Variants in POLE2 observed in about 807,000 individuals in gnomAD.
POLE2 encodes the protein DNA polymerase epsilon 2, accessory subunit.
Under a neutral mutation model 79.4 loss-of-function variants are expected in POLE2, and 56 were observed. That is an observed-to-expected ratio of 0.71 (90% CI 0.57 to 0.88). The LOEUF (loss-of-function observed/expected upper bound fraction) is 0.88, where lower values mean the gene tolerates loss of function less well. Among genes scored for constraint, POLE2 ranks in the 40% least tolerant of loss-of-function variants. The pLI, the probability that POLE2 is intolerant of heterozygous loss-of-function variation, is 0.00. For missense variants in POLE2, 598 were observed against 638.9 expected (o/e 0.94, Z 0.69); for synonymous variants, 212 against 214.0 (o/e 0.99, Z 0.08).
At chr14:49,668,042 C>G (rs1024519420) in intron 6 of POLE2, among the ~76,000 whole-genome samples, 1 of 152,090 alleles carries the variant, frequency 6.6e-6, no homozygotes, top group African/African-American at 2.4e-5. Context: ...GAGGCTGAGG[C>G]GGGCGGATCA....
chr14:49,644,912 T>G (rs1259370067), intron 18 of POLE2, among the ~76,000 whole-genome samples: 4 of 151,696 alleles, frequency 2.6e-5, no homozygotes, highest in Non-Finnish European at 5.9e-5. Context: ...CGTGGTGGCA[T>G]GTGCCTGTGA....
Position 49,646,302 on chromosome 14 carries a change from GTTTTTTTTTTTT to G in POLE2, c.1565+979_1565+990del, listed in dbSNP as rs1162033821. On this transcript the variant is annotated intron_variant, in intron 18 of 18. Coordinates refer to ENST00000216367, the MANE Select transcript of POLE2 (RefSeq NM_002692.4). The stretch of plus-strand genomic sequence containing the variant: ...GATTTGGTCAGTTGTTTTTTTGTTG[GTTTTTTTTTTTT>G]TTTTTTTTTTTTTTTTTTTTTGAGA... Among the ~76,000 whole-genome samples the G allele has an allele frequency of 3.9e-4, 33 of 84,570 alleles. No individual in the cohort carries two copies. The East Asian group carries it at 0.014, about 36-fold the overall frequency. 55.5% of individuals were successfully genotyped at this position (84,570 alleles called of 152,430 possible).
At position 49,682,640 on chromosome 14, in the gene POLE2, GAAAAAAAAAAAAAA is replaced by G. The variant is rs35984833; in HGVS notation, c.169+939_169+952del. On this transcript the variant is annotated intron_variant, in intron 2 of 18. Transcript: ENST00000216367. Reference sequence around the variant, plus strand: ...CGACAGTGCAAGACTCCTTCTCAGGGAAAAAAAAAAAAAAAAAAAAAAAAAAGTCTATTTTCTAC... The same window carrying G: ...CGACAGTGCAAGACTCCTTCTCAGGGAAAAAAAAAAAAGTCTATTTTCTAC... Among the ~76,000 whole-genome samples the G allele has an allele frequency of 2.6e-4, 16 of 60,980 alleles. No individual in the cohort carries two copies. The South Asian group carries it at 3.0e-3, about 11-fold the overall frequency. 40.0% of individuals were successfully genotyped at this position (60,980 alleles called of 152,430 possible). A position where few individuals can be genotyped will look rare whatever the true frequency, so the allele number is the denominator to read the frequency against.
intron 6 of POLE2, among the ~76,000 whole-genome samples, chr14:49,668,227 A>G (rs545258468): frequency 6.8e-4 from 103 of 152,244 alleles, no homozygotes; most frequent in South Asian, 5.2e-3. Context: ...CCAAGATCGC[A>G]CTACTGAACT....
intron 6 of POLE2, among the ~76,000 whole-genome samples, chr14:49,666,773 G>T (rs1434573010): frequency 6.6e-6 from 1 of 151,960 alleles, no homozygotes; most frequent in Non-Finnish European, 1.5e-5. Flanking sequence ...TTGAAAACTA[G>T]CAAGCTATTT....
At chr14:49,646,295 T>C (rs1475907613) in intron 18 of POLE2, among the ~76,000 whole-genome samples, 2 of 147,016 alleles carry the variant, frequency 1.4e-5, no homozygotes, top group African/African-American at 5.0e-5. Flanking sequence ...CAGTTGTTTT[T>C]TTGTTGGTTT....
chr14:49,653,334 T>G (rs1381574020), intron 15 of POLE2, among the ~76,000 whole-genome samples: 2 of 152,224 alleles, frequency 1.3e-5, no homozygotes, highest in African/African-American at 4.8e-5. Flanking sequence ...TCTGATGGTA[T>G]TCCCACAGGA....
intron 15 of POLE2, 26 bp downstream of exon 15, chr14:49,653,964 G>C: frequency 7.5e-7 from 1 of 1,340,432 alleles, no homozygotes; most frequent in Non-Finnish European, 1.1e-6. Context: ...AAGGAAAAAT[G>C]TATAACACAA....
chr14:49,685,769 T>C (rs988521542), intron 1 of POLE2, among the ~76,000 whole-genome samples: 1 of 151,052 alleles, frequency 6.6e-6, no homozygotes, highest in African/African-American at 2.4e-5. Context: ...CAGGTGCACA[T>C]CACCACGTCT....
intron 1 of POLE2, among the ~76,000 whole-genome samples, chr14:49,687,342 A>G (rs988299225): frequency 2.0e-5 from 3 of 151,544 alleles, no homozygotes; most frequent in African/African-American, 7.3e-5. Context: ...ACACACGTAC[A>G]TATAGAACTC....
intron 1 of POLE2, 43 bp downstream of exon 1, chr14:49,688,093 C>T (rs1887294107): frequency 1.4e-6 from 2 of 1,470,240 alleles, no homozygotes; most frequent in Admixed American, 3.9e-5. Flanking sequence ...AGACGGGCCC[C>T]AGCTCTTCCC....
At chr14:49,656,970 G>A (rs1284876974) in intron 10 of POLE2, among the ~76,000 whole-genome samples, 6 of 151,926 alleles carry the variant, frequency 3.9e-5, no homozygotes, top group Non-Finnish European at 7.4e-5. Flanking sequence ...AAAATTAGCC[G>A]GGCATGGCAG....
chr14:49,683,557 T>C, intron 2 of POLE2, 36 bp downstream of exon 2: 1 of 930,414 alleles, frequency 1.1e-6, no homozygotes, highest in Non-Finnish European at 1.7e-6. Flanking sequence ...CAGAACTATA[T>C]TAACAATTTA....
At chr14:49,669,730 C>T in intron 5 of POLE2, 132 bp from the exon 6 acceptor site, 1 of 587,692 alleles carries the variant, frequency 1.7e-6, no homozygotes, top group Non-Finnish European at 3.0e-6. Context: ...AATTTGAAAA[C>T]CCACATAATT....
intron 6 of POLE2, among the ~76,000 whole-genome samples, chr14:49,668,974 T>C (rs932985345): frequency 7.2e-5 from 11 of 152,108 alleles, no homozygotes; most frequent in African/African-American, 7.2e-5. Context: ...CTAATGTTTT[T>C]TATTGTTTAT....
intron 5 of POLE2, among the ~76,000 whole-genome samples, chr14:49,671,093 T>G (rs1436820299): frequency 6.6e-6 from 1 of 152,204 alleles, no homozygotes; most frequent in Non-Finnish European, 1.5e-5. Context: ...AACCTGTTTA[T>G]TTCACAGATG....
Position 49,674,443 on chromosome 14 carries a change from C to T in POLE2, c.246-16G>A. 3.3e-6 allele frequency: 5 copies of T among 1,520,194 alleles called. No individual in the cohort carries two copies. The highest frequency in any genetic ancestry group is 4.6e-6 in the Non-Finnish European group (5 of 1,097,272). The allele number at this position is 1,520,194 out of a possible 1,614,324, so 94.2% of individuals were successfully genotyped here. ...AACGTGCTCTCTGAAAAACATCCCA[C>T]AAAATACAGACCTGATTTACTAAAA... On this transcript the variant is annotated splice_polypyrimidine_tract_variant and intron_variant, in intron 3 of 18. Transcript: ENST00000216367.
intron 17 of POLE2, 146 bp downstream of exon 17, chr14:49,650,119 T>C (rs1884098258): frequency 2.2e-6 from 1 of 450,432 alleles, no homozygotes; most frequent in Non-Finnish European, 3.6e-6. Flanking sequence ...GTATACCAAC[T>C]TTCTGTGTAT....
intron 1 of POLE2, among the ~76,000 whole-genome samples, chr14:49,687,302 A>T (rs1356746901): frequency 2.1e-5 from 1 of 48,324 alleles, no homozygotes; most frequent in East Asian, 3.6e-4. Flanking sequence ...CACACACACC[A>T]CACACACACA....
Sources: gnomAD v4.1 joint callset for allele counts (sites outside exome capture counted in the v4.1 genomes callset) on GRCh38, gnomAD v4.1.1 for gene constraint, MANE v1.5 for transcripts, NCBI Gene and HGNC (gene_info 2026-07-23, HGNC 2026-07-21) for gene names.